The following EWSR1 variants were observed in gnomAD, a reference collection of about 807,000 sequenced individuals.
EWSR1 encodes RNA-binding protein EWS.
EWSR1 carries 14 observed loss-of-function variants against 92.1 expected under a neutral mutation model. That is an observed-to-expected ratio of 0.15 (90% CI 0.10 to 0.24). The LOEUF (loss-of-function observed/expected upper bound fraction) is 0.24. Among genes scored for constraint, EWSR1 ranks in the 10% least tolerant of loss-of-function variants. The probability of loss-of-function intolerance (pLI) is 1.00; values close to 1 mark genes in which losing one functional copy is unlikely to be tolerated. For missense variants in EWSR1, 637 were observed against 870.9 expected (o/e 0.73, Z 3.38); for synonymous variants, 303 against 292.9 (o/e 1.03, Z -0.35).
chr22:29,275,327 A>G (rs572342511), intron 4 of EWSR1, among the ~76,000 whole-genome samples: 3 of 152,340 alleles, frequency 2.0e-5, no homozygotes, highest in African/African-American at 4.8e-5. Context: ...GGAGTGATTT[A>G]TAGGCAAATT....
chr22:29,299,133 ATCCTCTTGATAGT>A, intron 14 of EWSR1, 88 bp from the exon 15 acceptor site: 1 of 1,601,522 alleles, frequency 6.2e-7, no homozygotes, highest in East Asian at 2.2e-5. Flanking sequence ...GTGTACATAG[ATCCTCTTGATAGT>A]GAGTGTGTAC....
chr22:29,275,895 T>G (rs1480339292), intron 4 of EWSR1: 1 of 230,334 alleles, frequency 4.3e-6, no homozygotes, highest in African/African-American at 2.2e-5. Flanking sequence ...TAGGTGTGTT[T>G]TCTTTTTTTG....
At chr22:29,281,793 G>A (rs1053459391) in intron 5 of EWSR1, among the ~76,000 whole-genome samples, 2 of 150,802 alleles carry the variant, frequency 1.3e-5, no homozygotes, top group African/African-American at 4.9e-5. Flanking sequence ...CACTGTCTTA[G>A]CCAGGATGGT....
In EWSR1 at chr22:29,277,042, TC is replaced by T. The variant is rs1269547014; in HGVS notation, c.227-987del. 38 of 230,568 alleles carry T rather than the reference TC, an allele frequency of 1.6e-4. No homozygotes were observed. The East Asian group carries it at 2.2e-3, about 13-fold the overall frequency. 14.3% of individuals were successfully genotyped at this position (230,568 alleles called of 1,614,324 possible). On this transcript the variant is annotated intron_variant, in intron 4 of 16. Coordinates refer to ENST00000397938, the MANE Select transcript of EWSR1 (RefSeq NM_005243.4). ...TACTCTAGTTAGGAGCTGCAGACTT[TC>T]GTGGTTTTGGTCATGCTCCACGCCG...
At chr22:29,292,689 G>A in intron 11 of EWSR1, 83 bp downstream of exon 11, 1 of 797,162 alleles carries the variant, frequency 1.3e-6, no homozygotes, top group Non-Finnish European at 2.0e-6. Context: ...GTTGAGAGTT[G>A]TTTTCTAAGG....
Position 29,296,245 on chromosome 22 carries a change from A to G in EWSR1, c.1171A>G (p.Lys391Glu). 2 of 1,614,068 alleles carry G rather than the reference A, an allele frequency of 1.2e-6. No individual in the cohort carries two copies. Among genetic ancestry groups the G allele is most frequent in the Non-Finnish European group, 1.7e-6 (2 of 1,179,972 alleles). The change falls in exon 12 of 17, where the codon AAG becomes GAG. Residue 391 changes from lysine (K) to glutamate (E), a missense_variant. This residue lies in a region of EWSR1 where 363 missense variants were observed against 447.8 expected (regional missense o/e 0.81). Transcript: ENST00000397938. Reference protein sequence around the residue: ...FKQCGVVKMNKRTGQPMIHIY... With the variant: ...FKQCGVVKMNERTGQPMIHIY... ...TATGCTATTCTTTGTCTAGATGAAC[A>G]AGAGAACTGGGCAACCCATGATCCA...
At chr22:29,290,775 A>G in intron 8 of EWSR1, 1 of 932,438 alleles carries the variant, frequency 1.1e-6, no homozygotes, top group Non-Finnish European at 1.4e-6. Flanking sequence ...TTAAAGGTGC[A>G]ATACTGGTTA....
chr22:29,276,127 T>A (rs2059103317), intron 4 of EWSR1: 1 of 231,768 alleles, frequency 4.3e-6, no homozygotes, highest in South Asian at 1.8e-4. Context: ...CTGATCACTT[T>A]TAGTTTTTTG....
At chr22:29,287,280 C>T (rs1030264164) in intron 7 of EWSR1, 146 bp downstream of exon 7, 3 of 771,710 alleles carry the variant, frequency 3.9e-6, no homozygotes, top group Admixed American at 4.7e-5. Context: ...GCCATCTCAG[C>T]TCACTGCAGC....
chr22:29,292,805 C>T (rs1054194594), intron 11 of EWSR1, among the ~76,000 whole-genome samples, 199 bp downstream of exon 11: 3 of 147,448 alleles, frequency 2.0e-5, no homozygotes, highest in Non-Finnish European at 4.5e-5. Flanking sequence ...CTTCTTGGTG[C>T]CCAGGCTGGA....
intron 6 of EWSR1, among the ~76,000 whole-genome samples, chr22:29,285,201 G>A (rs1286997404): frequency 1.4e-5 from 2 of 139,606 alleles, no homozygotes; most frequent in Non-Finnish European, 3.0e-5. Context: ...TTGGCTCACT[G>A]CAGCCTCTGC....
Position 29,272,502 on chromosome 22 carries a change from G to C in EWSR1, c.102+71G>C. The C allele has an allele frequency of 6.9e-6, 10 of 1,459,652 alleles. No individual in the cohort carries two copies. The South Asian group carries it at 1.2e-4, about 17-fold the overall frequency. The allele number at this position is 1,459,652 out of a possible 1,614,324, so 90.4% of individuals were successfully genotyped here. The stretch of plus-strand genomic sequence containing the variant: ...CAGTATATTATCCAGTTATCTTTCA[G>C]TTATCCAGTAAAACAAATGAGTAAT... On this transcript the variant is annotated intron_variant, in intron 3 of 16. Transcript: ENST00000397938.
chr22:29,272,347 C>G (rs1331801904), intron 2 of EWSR1, 33 bp from the exon 3 acceptor site: 3 of 1,611,824 alleles, frequency 1.9e-6, no homozygotes, highest in Non-Finnish European at 2.5e-6. Context: ...TGAATGTTCT[C>G]TATTCAAGTT....
intron 5 of EWSR1, among the ~76,000 whole-genome samples, chr22:29,278,963 C>G (rs2059343518): frequency 6.6e-6 from 1 of 151,386 alleles, no homozygotes; most frequent in Non-Finnish European, 1.5e-5. Context: ...CCATTGTACT[C>G]TAGCCTGGGC....
chr22:29,280,857 GTGT>G (rs2059516974), intron 5 of EWSR1, among the ~76,000 whole-genome samples: 8 of 113,154 alleles, frequency 7.1e-5, no homozygotes, highest in Admixed American at 2.1e-4. Flanking sequence ...GTGTGTGTGT[GTGT>G]TGTTTTTTTT....
chr22:29,272,489 C>A, intron 3 of EWSR1, 58 bp downstream of exon 3: 2 of 1,506,916 alleles, frequency 1.3e-6, no homozygotes, highest in Non-Finnish European at 1.8e-6. Flanking sequence ...GTATATTATC[C>A]AGTTATCTTT....
At chr22:29,287,680 A>G (rs2060149909) in intron 7 of EWSR1, among the ~76,000 whole-genome samples, 12 of 152,188 alleles carry the variant, frequency 7.9e-5, no homozygotes, top group Admixed American at 7.9e-4. Context: ...GAAAAGAGAT[A>G]CTAATTGATC....
At chr22:29,272,142 A>G in intron 1 of EWSR1, 74 bp from the exon 2 acceptor site, 1 of 1,382,558 alleles carries the variant, frequency 7.2e-7, no homozygotes. Context: ...TGCCACGTGA[A>G]TTCTTTCCCC....
intron 5 of EWSR1, 138 bp downstream of exon 5, chr22:29,278,354 CTGA>C: frequency 2.4e-6 from 2 of 817,604 alleles, no homozygotes; most frequent in Non-Finnish European, 3.8e-6. Context: ...CTGTTAGTAA[CTGA>C]TGTGCTAGAA....
Sources: gnomAD v4.1 joint callset for allele counts (sites outside exome capture counted in the v4.1 genomes callset) on GRCh38, gnomAD v4.1.1 for gene constraint, gnomAD v4.1.1 regional missense constraint, MANE v1.5 for transcripts, NCBI Gene and HGNC (gene_info 2026-07-23, HGNC 2026-07-21) for gene names.